EHD4: variants seen among roughly 807,000 people sequenced by gnomAD.
EHD4 encodes the protein EH domain containing 4.
A neutral mutation model predicts 51.0 loss-of-function variants in EHD4; 37 were observed. The ratio of observed to expected loss-of-function variants is 0.73; its 90% CI spans 0.56 to 0.95. The LOEUF is 0.95. Ranked by LOEUF, EHD4 falls within the 40% of genes least tolerant of loss-of-function variation. EHD4 has a pLI of 0.00. For synonymous variants in EHD4, 297 were observed against 317.3 expected (o/e 0.94, Z 0.68); for missense variants, 632 against 733.1 (o/e 0.86, Z 1.59).
At chr15:41,909,951 A>G in intron 4 of EHD4, 88 bp from the exon 5 acceptor site, 1 of 1,522,036 alleles carries the variant, frequency 6.6e-7, no homozygotes, top group East Asian at 2.3e-5. Flanking sequence ...CTCCATCATA[A>G]CACATAACAG....
At chr15:41,949,187 T>C (rs2067837119) in intron 2 of EHD4, among the ~76,000 whole-genome samples, 1 of 151,238 alleles carries the variant, frequency 6.6e-6, no homozygotes, top group African/African-American at 2.4e-5. Flanking sequence ...CTCGCCAACA[T>C]GGTGAAACCT....
intron 2 of EHD4, among the ~76,000 whole-genome samples, chr15:41,945,904 A>T (rs2067809153): frequency 6.6e-6 from 1 of 152,204 alleles, no homozygotes; most frequent in South Asian, 2.1e-4. Context: ...ATCAACTCAC[A>T]GCCGTGGGAC....
chr15:41,960,822 C>T lies in EHD4; in HGVS notation c.237-6882G>A, dbSNP rs370475638. 7.9e-5 allele frequency among the ~76,000 whole-genome samples: 12 copies of T among 151,994 alleles called. 1 individual carries two copies. The highest frequency in any genetic ancestry group is 5.2e-4 in the Admixed American group (8 of 15,250). On this transcript the variant is annotated intron_variant, in intron 1 of 5. Transcript: ENST00000220325. ...CCAAGTAGCTGGGATTACAGGCGTCCGCCACACACTGGGCTAATTTTTGTA... is the reference window on the plus strand; with the variant it reads ...CCAAGTAGCTGGGATTACAGGCGTCTGCCACACACTGGGCTAATTTTTGTA...
Position 41,959,395 on chromosome 15 carries a change from C to CAA in EHD4, c.237-5457_237-5456dup, listed in dbSNP as rs36120701. The stretch of plus-strand genomic sequence containing the variant: ...TGGGTGACAGAGCAAGACTTTGTCT[C>CAA]AAAAAAAAAAAAAAAAAAAAAAAAA... On this transcript the variant is annotated intron_variant, in intron 1 of 5. Transcript: ENST00000220325. 3.0e-3 allele frequency among the ~76,000 whole-genome samples: 198 copies of CAA among 66,398 alleles called. 12 individuals carry two copies. Among genetic ancestry groups the CAA allele is most frequent in the African/African-American group, 0.012 (173 of 14,286 alleles). 43.6% of individuals were successfully genotyped at this position (66,398 alleles called of 152,430 possible).
chr15:41,923,265 C>A (rs540898581), intron 3 of EHD4, among the ~76,000 whole-genome samples: 14 of 152,186 alleles, frequency 9.2e-5, no homozygotes, highest in Non-Finnish European at 1.8e-4. Context: ...TTCTTTCACT[C>A]AGCACAACGT....
intron 1 of EHD4, among the ~76,000 whole-genome samples, chr15:41,954,477 G>A (rs2067873696): frequency 6.6e-6 from 1 of 152,022 alleles, no homozygotes; most frequent in Admixed American, 6.6e-5. Context: ...AAAAAGTTTT[G>A]ACTGATTCTA....
At chr15:41,951,806 G>C (rs1049140901) in intron 2 of EHD4, among the ~76,000 whole-genome samples, 2 of 152,138 alleles carry the variant, frequency 1.3e-5, no homozygotes, top group South Asian at 4.1e-4. Flanking sequence ...TCCCGCCCAG[G>C]GCTTAACCCC....
At chr15:41,942,772 C>T in intron 3 of EHD4, 1 of 287,510 alleles carries the variant, frequency 3.5e-6, no homozygotes, top group Non-Finnish European at 6.8e-6. Flanking sequence ...TCTCCCAACA[C>T]CCCCGAGGCC....
At chr15:41,944,074 G>A (rs765463205) in intron 2 of EHD4, among the ~76,000 whole-genome samples, 4 of 152,218 alleles carry the variant, frequency 2.6e-5, no homozygotes, top group Non-Finnish European at 4.4e-5. Flanking sequence ...AGAGTGCGGA[G>A]GAAAAATCTA....
intron 1 of EHD4, among the ~76,000 whole-genome samples, chr15:41,958,502 T>C (rs2067902247): frequency 6.6e-6 from 1 of 152,138 alleles, no homozygotes; most frequent in African/African-American, 2.4e-5. Context: ...GATGGTGTCT[T>C]CTTTTTTTCA....
chr15:41,949,948 A>C (rs2067842253), intron 2 of EHD4, among the ~76,000 whole-genome samples: 1 of 152,152 alleles, frequency 6.6e-6, no homozygotes, highest in Non-Finnish European at 1.5e-5. Flanking sequence ...GTGAGGGGCA[A>C]CTGCCTCCTG....
chr15:41,965,565 G>T (rs568389565), intron 1 of EHD4, among the ~76,000 whole-genome samples: 2 of 152,248 alleles, frequency 1.3e-5, no homozygotes, highest in African/African-American at 2.4e-5. Flanking sequence ...GTGAGAGATG[G>T]TTTAGAAAAA....
At chr15:41,937,377 CG>C (rs530567169) in intron 3 of EHD4, among the ~76,000 whole-genome samples, 78 of 152,164 alleles carry the variant, frequency 5.1e-4, no homozygotes, top group Non-Finnish European at 8.7e-4. Context: ...TCCCTCGACT[CG>C]GTGCTAGGCA....
intron 5 of EHD4, among the ~76,000 whole-genome samples, chr15:41,902,891 G>A (rs527619169): frequency 5.3e-5 from 8 of 150,744 alleles, no homozygotes; most frequent in Admixed American, 4.6e-4. Context: ...GATGGCTAAG[G>A]TTAAGGAAAA....
At chr15:41,909,205 A>C (rs2067532660) in intron 5 of EHD4, among the ~76,000 whole-genome samples, 1 of 152,234 alleles carries the variant, frequency 6.6e-6, no homozygotes, top group Non-Finnish European at 1.5e-5. Context: ...CTTTAAGCAC[A>C]GTCCTCCCTG....
In EHD4 at chr15:41,972,440, C is replaced by T. The variant is rs2068005116; in HGVS notation, c.55G>A (p.Asp19Asn). ...CCGCCCGTCACCGTCTGCACCGCGTCCGCGCCGCCAGCGCGTTCGCGCCCG... is the reference window on the plus strand; with the variant it reads ...CCGCCCGTCACCGTCTGCACCGCGTTCGCGCCGCCAGCGCGTTCGCGCCCG... ...AGGRERAGGADAVQTVTGGLR... is the reference protein window; with the variant it reads ...AGGRERAGGANAVQTVTGGLR... The change falls in exon 1 of 6, where the codon GAC becomes AAC. Residue 19 changes from aspartate (D) to asparagine (N), a missense_variant. Transcript: ENST00000220325. The T allele has an allele frequency of 1.3e-6, 2 of 1,589,566 alleles. No individual in the cohort carries two copies. The highest frequency in any genetic ancestry group is 1.7e-6 in the Non-Finnish European group (2 of 1,170,002).
intron 4 of EHD4, among the ~76,000 whole-genome samples, chr15:41,913,038 G>A (rs1255697570): frequency 1.3e-5 from 2 of 152,188 alleles, no homozygotes; most frequent in African/African-American, 2.4e-5. Context: ...ACTTCTGCTC[G>A]TGCCTAATTC....
Position 41,919,267 on chromosome 15 carries a change from G to T in EHD4, c.867C>A (p.Pro289=), listed in dbSNP as rs780434875. The T allele has an allele frequency of 3.1e-6, 5 of 1,614,136 alleles. No individual in the cohort carries two copies. The South Asian group carries it at 3.3e-5, about 11-fold the overall frequency. ...QDLFRDIQSL[P]QKAAVRKLND... Reference sequence around the variant, plus strand: ...TGAGCTTGCGCACCGCTGCCTTCTGGGGGAGGCTCTGGATGTCTCTAAAGA... The same window carrying T: ...TGAGCTTGCGCACCGCTGCCTTCTGTGGGAGGCTCTGGATGTCTCTAAAGA... Residue 289 remains proline, a synonymous_variant, in exon 4 of 6, where the codon CCC becomes CCA. Transcript: ENST00000220325.
At chr15:41,947,262 C>CAA (rs1278898916) in intron 2 of EHD4, among the ~76,000 whole-genome samples, 2 of 152,170 alleles carry the variant, frequency 1.3e-5, no homozygotes, top group African/African-American at 4.8e-5. Context: ...CTGGAACTTG[C>CAA]CCCTAAGAGG....
Sources: allele counts gnomAD v4.1 joint callset (sites outside exome capture counted in the v4.1 genomes callset), GRCh38; gene constraint gnomAD v4.1.1; transcripts MANE v1.5; gene names NCBI Gene and HGNC (gene_info 2026-07-23, HGNC 2026-07-21).